The following ERC2 variants were observed in gnomAD, a reference collection of about 807,000 sequenced individuals.
ERC2 encodes the protein ERC protein 2.
ERC2 carries 42 observed loss-of-function variants against 114.8 expected under a neutral mutation model. The observed-to-expected ratio is 0.37, with a 90% CI of 0.29 to 0.47. The LOEUF is 0.47. ERC2 is among the 20% of genes least tolerant of loss of function. ERC2 has a pLI of 0.99. For synonymous variants in ERC2, 454 were observed against 425.5 expected (o/e 1.07, Z -0.82); for missense variants, 939 against 1,150.7 (o/e 0.82, Z 2.66).
chr3:56,459,775 C>T (rs1294745122), intron 1 of ERC2, among the ~76,000 whole-genome samples: 1 of 152,174 alleles, frequency 6.6e-6, no homozygotes, highest in Non-Finnish European at 1.5e-5. Context: ...AAGGTTCTTC[C>T]TGCCTTTATT....
At chr3:56,154,887 C>T (rs893838100) in intron 4 of ERC2, among the ~76,000 whole-genome samples, 1 of 152,082 alleles carries the variant, frequency 6.6e-6, no homozygotes, top group Non-Finnish European at 1.5e-5. Flanking sequence ...TGTAGTAAGT[C>T]CCTACTAATT....
intron 15 of ERC2, among the ~76,000 whole-genome samples, chr3:55,710,988 G>A (rs76251525): frequency 0.03 from 4,514 of 152,246 alleles, 214 homozygotes; most frequent in African/African-American, 0.1. Context: ...GCCCCTGGCC[G>A]TCTTCTCATT....
intron 3 of ERC2, among the ~76,000 whole-genome samples, chr3:56,272,183 TGA>T (rs2053697654): frequency 1.3e-5 from 2 of 152,172 alleles, no homozygotes; most frequent in Admixed American, 1.3e-4. Flanking sequence ...AAAATCCATG[TGA>T]GACCCTTCTT....
At chr3:55,663,857 C>G (rs2061244330) in intron 17 of ERC2, among the ~76,000 whole-genome samples, 1 of 152,200 alleles carries the variant, frequency 6.6e-6, no homozygotes, top group Admixed American at 6.5e-5. Flanking sequence ...GCAAGGAACC[C>G]TGTTTCTAAC....
At chr3:56,146,330 G>A (rs528100653) in intron 5 of ERC2, among the ~76,000 whole-genome samples, 14 of 152,148 alleles carry the variant, frequency 9.2e-5, no homozygotes, top group Admixed American at 4.6e-4. Flanking sequence ...ATTAAGAAAC[G>A]TAAGTAATTA....
intron 14 of ERC2, among the ~76,000 whole-genome samples, chr3:55,761,254 T>A (rs2067410753): frequency 6.6e-6 from 1 of 152,204 alleles, no homozygotes; most frequent in Non-Finnish European, 1.5e-5. Flanking sequence ...ATTTTAAGCT[T>A]TACATGTACA....
intron 12 of ERC2, among the ~76,000 whole-genome samples, chr3:55,954,535 T>TA (rs771938169): frequency 6.6e-6 from 1 of 152,184 alleles, no homozygotes; most frequent in Non-Finnish European, 1.5e-5. Context: ...AGGAGATGCA[T>TA]ATGTTTGTCC....
intron 2 of ERC2, among the ~76,000 whole-genome samples, chr3:56,396,972 T>C (rs984254067): frequency 6.6e-6 from 1 of 152,104 alleles, no homozygotes; most frequent in Non-Finnish European, 1.5e-5. Flanking sequence ...CTCAAGCCAC[T>C]GAAGAGTAAT....
chr3:55,616,086 T>G (rs11718823), intron 17 of ERC2, among the ~76,000 whole-genome samples: 3,992 of 152,312 alleles, frequency 0.026, 63 homozygotes, highest in Middle Eastern at 0.044. Flanking sequence ...CTCCTGGGTC[T>G]TATAGGATGT....
chr3:55,781,044 A>C (rs910663364), intron 14 of ERC2, among the ~76,000 whole-genome samples: 1 of 152,226 alleles, frequency 6.6e-6, no homozygotes, highest in African/African-American at 2.4e-5. Context: ...ATGTCACCCA[A>C]ATACATTTGG....
At chr3:55,860,509 G>A (rs17056053) in intron 14 of ERC2, among the ~76,000 whole-genome samples, 14,059 of 151,592 alleles carry the variant, frequency 0.093, 723 homozygotes, top group South Asian at 0.17. Context: ...TGTTTTGATC[G>A]CCCCAAAGCA....
In ERC2 at chr3:56,458,335, G is replaced by C. The variant is rs6775886; in HGVS notation, c.-141+9913C>G. 2.0e-5 allele frequency among the ~76,000 whole-genome samples: 3 copies of C among 152,254 alleles called. No homozygotes were observed. In the South Asian group the frequency reaches 6.2e-4, roughly 32 times the overall value. ...AAATAAGGAGAAAGCTAGTGGCAAA[G>C]CCAGAAAGGGAACTTAGGGCTTGTG... On this transcript the variant is annotated intron_variant, in intron 1 of 17. Coordinates refer to ENST00000288221, the MANE Select transcript of ERC2 (RefSeq NM_015576.3).
intron 11 of ERC2, among the ~76,000 whole-genome samples, chr3:55,987,384 G>C (rs966362723): frequency 1.3e-5 from 2 of 152,172 alleles, no homozygotes; most frequent in South Asian, 2.1e-4. Flanking sequence ...CCTCTTTCAA[G>C]GGCTCCCAGT....
At chr3:56,433,461 T>C (rs1045051257) in intron 2 of ERC2, among the ~76,000 whole-genome samples, 1 of 152,192 alleles carries the variant, frequency 6.6e-6, no homozygotes, top group African/African-American at 2.4e-5. Context: ...AGCAAGGGCA[T>C]GGCAGTGCAA....
At chr3:55,838,747 A>T (rs1485549588) in intron 14 of ERC2, among the ~76,000 whole-genome samples, 1 of 151,988 alleles carries the variant, frequency 6.6e-6, no homozygotes, top group African/African-American at 2.4e-5. Flanking sequence ...TACTTGTATC[A>T]GAAAGGAAAA....
At chr3:55,809,769 TG>T (rs34602477) in intron 14 of ERC2, among the ~76,000 whole-genome samples, 21,499 of 152,112 alleles carry the variant, frequency 0.14, 1,721 homozygotes, top group East Asian at 0.23. Flanking sequence ...CAGAGGTTTG[TG>T]GTAAGAAATT....
intron 14 of ERC2, among the ~76,000 whole-genome samples, chr3:55,845,453 G>C (rs1185181730): frequency 1.5e-5 from 2 of 131,244 alleles, no homozygotes; most frequent in African/African-American, 3.0e-5. Context: ...GCAGTGAGCC[G>C]AGATCCCGCC....
At position 56,005,621 on chromosome 3, in the gene ERC2, C is replaced by T. The variant is rs1026673631; in HGVS notation, c.2061+1560G>A. Reference sequence around the variant, plus strand: ...AATAATAAATGGAGCCCCCGATCTCCATAACAATGACTCATCAGAGTAGGT... The same window carrying T: ...AATAATAAATGGAGCCCCCGATCTCTATAACAATGACTCATCAGAGTAGGT... On this transcript the variant is annotated intron_variant, in intron 10 of 17. Transcript: ENST00000288221. Among the ~76,000 whole-genome samples, 3 of 152,072 alleles carry T rather than the reference C, an allele frequency of 2.0e-5. No homozygotes were observed. In the South Asian group the frequency reaches 6.2e-4, roughly 32 times the overall value.
chr3:56,199,047 C>T (rs561631237), intron 3 of ERC2, among the ~76,000 whole-genome samples: 1 of 152,300 alleles, frequency 6.6e-6, no homozygotes, highest in Admixed American at 6.5e-5. Context: ...ATGACAGGCA[C>T]TGTGCTAAGG....
Sources: allele counts gnomAD v4.1 joint callset (sites outside exome capture counted in the v4.1 genomes callset), GRCh38; gene constraint gnomAD v4.1.1; transcripts MANE v1.5; gene names NCBI Gene and HGNC (gene_info 2026-07-23, HGNC 2026-07-21).